Variants in RABGAP1L observed in about 807,000 individuals in gnomAD.
RABGAP1L encodes the protein rab GTPase-activating protein 1-like.
RABGAP1L carries 63 observed loss-of-function variants against 137.7 expected under a neutral mutation model. The ratio of observed to expected loss-of-function variants is 0.46; its 90% confidence interval spans 0.37 to 0.56. RABGAP1L has a LOEUF of 0.56. RABGAP1L is among the 20% of genes least tolerant of loss of function. The probability of loss-of-function intolerance (pLI) is 0.00; values close to 1 mark genes in which losing one functional copy is unlikely to be tolerated. For missense variants in RABGAP1L, 1,095 were observed against 1,244.0 expected, an observed-to-expected ratio of 0.88 and a Z score of 1.80; for synonymous variants, 431 against 433.7, an observed-to-expected ratio of 0.99 and a Z score of 0.08.
intron 13 of RABGAP1L, among the ~76,000 whole-genome samples, chr1:174,529,110 T>A (rs912964205): frequency 5.3e-5 from 8 of 151,910 alleles, no homozygotes; most frequent in Admixed American, 5.2e-4. Context: ...TTAGAATTGA[T>A]AATTTTCATT....
chr1:174,380,525 A>G (rs1010735290), intron 12 of RABGAP1L, among the ~76,000 whole-genome samples: 4 of 151,956 alleles, frequency 2.6e-5, no homozygotes, highest in African/African-American at 7.3e-5. Context: ...GGGAGAGTGT[A>G]TGTGTCAAGG....
At position 174,958,390 on chromosome 1, in the gene RABGAP1L, A is replaced by C. The variant is rs577634610; in HGVS notation, c.2433+841A>C. ...CTTATTTCCAACTTATTTTTTTCCA[A>C]GTAAAATATTATCTCTCTTCAACAT... On this transcript the variant is annotated intron_variant, in intron 20 of 25. Transcript: ENST00000681986. Among the ~76,000 whole-genome samples the C allele has an allele frequency of 8.5e-5, 13 of 152,280 alleles. No individual in the cohort carries two copies. In the South Asian group the frequency reaches 2.7e-3, roughly 32 times the overall value.
chr1:174,895,288 G>A (rs574941730), intron 19 of RABGAP1L, among the ~76,000 whole-genome samples: 2 of 152,114 alleles, frequency 1.3e-5, no homozygotes, highest in African/African-American at 4.8e-5. Flanking sequence ...AGTGCTATTA[G>A]TATCCCACTA....
At chr1:174,462,209 C>T (rs758377223) in intron 13 of RABGAP1L, among the ~76,000 whole-genome samples, 1 of 152,134 alleles carries the variant, frequency 6.6e-6, no homozygotes, top group Admixed American at 6.5e-5. Context: ...CAGATGAGAG[C>T]GAGACTATCA....
chr1:174,231,213 C>G lies in RABGAP1L; in HGVS notation c.400C>G (p.Leu134Val). 6.2e-7 allele frequency: 1 copy of G among 1,613,818 alleles called. No individual in the cohort carries two copies. The highest frequency in any genetic ancestry group is 8.5e-7 in the Non-Finnish European group (1 of 1,179,798). Residue 134 changes from leucine to valine, a missense_variant, in exon 4 of 26, where the codon CTG (leucine) becomes GTG (valine). By Grantham distance (32) the Leu-to-Val change is conservative. Transcript: ENST00000681986. The stretch of plus-strand genomic sequence containing the variant: ...AGAAGATAGTGTTTTATTTAATAAA[C>G]TGACCTACTTAGGATGTATGAAGGT... ...PEEDSVLFNK[L>V]TYLGCMKVSS... is the part of the protein sequence containing the mutation.
intron 13 of RABGAP1L, among the ~76,000 whole-genome samples, chr1:174,522,397 C>T (rs1003149428): frequency 1.3e-5 from 2 of 151,734 alleles, no homozygotes; most frequent in Non-Finnish European, 2.9e-5. Flanking sequence ...GGCTATATGG[C>T]GAAACCCCAT....
chr1:174,588,934 A>C (rs533761636), intron 13 of RABGAP1L, among the ~76,000 whole-genome samples: 144 of 152,316 alleles, frequency 9.5e-4, no homozygotes, highest in Admixed American at 1.6e-3. Context: ...TCTCTTCAAC[A>C]TAGTGACCTC....
At chr1:174,352,088 G>A (rs1266913950) in intron 11 of RABGAP1L, among the ~76,000 whole-genome samples, 2 of 152,112 alleles carry the variant, frequency 1.3e-5, no homozygotes, top group African/African-American at 2.4e-5. Flanking sequence ...GATTACAGGC[G>A]TGAGCCACCA....
chr1:174,394,015 G>A lies in RABGAP1L; in HGVS notation c.1580G>A (p.Arg527Gln), dbSNP rs147972067. 34 of 1,613,220 alleles carry A rather than the reference G, an allele frequency of 2.1e-5. No individual in the cohort carries two copies. The highest frequency in any genetic ancestry group is 2.9e-5 in the Non-Finnish European group (34 of 1,179,638). ...LGKWHSNLGA[R>Q]PKGLSTLVKS... Reference sequence around the variant, plus strand: ...CTCAGGCACAGTAACCTTGGTGCACGACCGAAAGGGCTGTCTACTCTGGTG... The same window carrying A: ...CTCAGGCACAGTAACCTTGGTGCACAACCGAAAGGGCTGTCTACTCTGGTG... The change falls in exon 13 of 26, where the codon CGA becomes CAA. Residue 527 changes from arginine (R) to glutamine (Q), a missense_variant. Around this residue, in one of 4 missense-constraint regions of RABGAP1L, gnomAD observed 315 missense variants for 324.8 expected, o/e 0.97. Transcript: ENST00000681986.
chr1:174,806,721 A>G (rs561261224), intron 18 of RABGAP1L, among the ~76,000 whole-genome samples: 71 of 152,358 alleles, frequency 4.7e-4, no homozygotes, highest in African/African-American at 1.7e-3. Flanking sequence ...TTATTTTCAT[A>G]AACAGCACTA....
intron 18 of RABGAP1L, among the ~76,000 whole-genome samples, chr1:174,802,336 G>A (rs1033564588): frequency 6.6e-6 from 1 of 152,232 alleles, no homozygotes. Context: ...GCCAGATGCA[G>A]TGGCTCAAGC....
At chr1:174,422,489 G>C (rs1163344209) in intron 13 of RABGAP1L, among the ~76,000 whole-genome samples, 1 of 151,764 alleles carries the variant, frequency 6.6e-6, no homozygotes, top group East Asian at 1.9e-4. Context: ...AGTTTATAAG[G>C]TTATTTCCAT....
intron 11 of RABGAP1L, among the ~76,000 whole-genome samples, chr1:174,323,293 A>G (rs928395429): frequency 6.6e-6 from 1 of 152,126 alleles, no homozygotes; most frequent in South Asian, 2.1e-4. Context: ...ATTCAAAAAA[A>G]TTTAAGTAAA....
At chr1:174,962,481 A>G (rs573299492) in intron 20 of RABGAP1L, among the ~76,000 whole-genome samples, 2 of 152,188 alleles carry the variant, frequency 1.3e-5, no homozygotes, top group South Asian at 2.1e-4. Flanking sequence ...TGATTCCTCT[A>G]TGTTTCCACA....
chr1:174,314,260 G>A (rs1679155721), intron 11 of RABGAP1L, among the ~76,000 whole-genome samples: 1 of 152,068 alleles, frequency 6.6e-6, no homozygotes, highest in Non-Finnish European at 1.5e-5. Flanking sequence ...GTCTAGGAAT[G>A]TGTTCTATTC....
chr1:174,510,062 A>C (rs748010611), intron 13 of RABGAP1L, among the ~76,000 whole-genome samples: 10 of 152,146 alleles, frequency 6.6e-5, no homozygotes, highest in Non-Finnish European at 1.2e-4. Context: ...TTTCTTAAGA[A>C]CTGGACTGGT....
chr1:174,450,159 A>G (rs1177069855), intron 13 of RABGAP1L, among the ~76,000 whole-genome samples: 1 of 152,072 alleles, frequency 6.6e-6, no homozygotes, highest in Non-Finnish European at 1.5e-5. Flanking sequence ...CCCACTAGTA[A>G]TTGTAATGCA....
At chr1:174,619,646 A>G (rs888519686) in intron 13 of RABGAP1L, among the ~76,000 whole-genome samples, 14 of 152,372 alleles carry the variant, frequency 9.2e-5, no homozygotes, top group African/African-American at 2.9e-4. Context: ...GAAGCGCTAA[A>G]CATGGAAAGG....
At chr1:174,760,500 A>G (rs1023834481) in intron 18 of RABGAP1L, among the ~76,000 whole-genome samples, 2 of 152,222 alleles carry the variant, frequency 1.3e-5, no homozygotes, top group East Asian at 1.9e-4. Flanking sequence ...TGCAAAGGAC[A>G]TGATCTCATT....
Sources: gnomAD v4.1 joint callset for allele counts (sites outside exome capture counted in the v4.1 genomes callset) on GRCh38, gnomAD v4.1.1 for gene constraint, gnomAD v4.1.1 regional missense constraint, MANE v1.5 for transcripts, NCBI Gene and HGNC (gene_info 2026-07-23, HGNC 2026-07-21) for gene names.